THADA: variants seen among roughly 807,000 people sequenced by gnomAD.
THADA encodes the protein THADA armadillo repeat containing, also known as tRNA (32-2'-O)-methyltransferase regulator THADA.
A neutral mutation model predicts 219.8 loss-of-function variants in THADA; 213 were observed. The observed-to-expected ratio is 0.97, with a 90% CI of 0.87 to 1.09. The LOEUF is 1.09. THADA is among the 50% of genes least tolerant of loss of function. The pLI is 0.00. For synonymous variants in THADA, 1,018 were observed against 828.9 expected, an observed-to-expected ratio of 1.23 and a Z score of -3.92; for missense variants, 2,956 against 2,311.3, an observed-to-expected ratio of 1.28 and a Z score of -5.72.
chr2:43,562,245 G>C (rs1233104695), intron 15 of THADA: 1 of 151,468 alleles, frequency 6.6e-6, no homozygotes, highest in Non-Finnish European at 1.5e-5. Context: ...CTTCTCCTCT[G>C]TTTTCTTCTC....
intron 26 of THADA, among the ~76,000 whole-genome samples, chr2:43,451,432 A>T (rs1251063524): frequency 6.6e-6 from 1 of 152,138 alleles, no homozygotes; most frequent in Non-Finnish European, 1.5e-5. Flanking sequence ...TTACTTTTTC[A>T]TAACATTAAC....
intron 36 of THADA, among the ~76,000 whole-genome samples, chr2:43,268,572 T>C (rs1558492804): frequency 6.6e-6 from 1 of 152,076 alleles, no homozygotes; most frequent in Non-Finnish European, 1.5e-5. Flanking sequence ...TTCTGGGAGA[T>C]TTGAGAACAG....
At chr2:43,501,592 AAAAG>A (rs1490299684) in intron 24 of THADA, among the ~76,000 whole-genome samples, 1 of 152,174 alleles carries the variant, frequency 6.6e-6, no homozygotes, top group Non-Finnish European at 1.5e-5. Flanking sequence ...GGAAAACAAA[AAAAG>A]AGAGATTCAC....
At chr2:43,339,132 T>C (rs1666801914) in intron 30 of THADA, among the ~76,000 whole-genome samples, 1 of 152,222 alleles carries the variant, frequency 6.6e-6, no homozygotes, top group African/African-American at 2.4e-5. Flanking sequence ...GTGGTAAGAA[T>C]AGACTTTTAC....
chr2:43,404,947 A>G (rs918204675), intron 28 of THADA, among the ~76,000 whole-genome samples: 7 of 152,234 alleles, frequency 4.6e-5, no homozygotes, highest in Non-Finnish European at 8.8e-5. Context: ...GAATAATTTG[A>G]AAATAAAACC....
chr2:43,483,116 G>A (rs1458076205), intron 26 of THADA, among the ~76,000 whole-genome samples: 8 of 152,106 alleles, frequency 5.3e-5, no homozygotes, highest in Non-Finnish European at 8.8e-5. Context: ...TCCAAATTGC[G>A]AGCAGGACAA....
chr2:43,334,984 C>A (rs1411992415), intron 30 of THADA, among the ~76,000 whole-genome samples: 9 of 152,114 alleles, frequency 5.9e-5, no homozygotes, highest in Non-Finnish European at 8.8e-5. Context: ...CCAAGCTCAG[C>A]CACAAGCCCT....
chr2:43,536,622 G>T (rs568891280), intron 21 of THADA, among the ~76,000 whole-genome samples: 12 of 152,050 alleles, frequency 7.9e-5, no homozygotes, highest in African/African-American at 2.9e-4. Context: ...TTCCACAGGG[G>T]AAGAAGCTAC....
chr2:43,471,722 T>G (rs1180073239), intron 26 of THADA, among the ~76,000 whole-genome samples: 1 of 152,216 alleles, frequency 6.6e-6, no homozygotes, highest in African/African-American at 2.4e-5. Flanking sequence ...AGAATAATAC[T>G]ATAACATTTG....
At chr2:43,555,350 G>A (rs1697220757) in intron 17 of THADA, among the ~76,000 whole-genome samples, 1 of 151,220 alleles carries the variant, frequency 6.6e-6, no homozygotes. Flanking sequence ...CCTAGCTTGT[G>A]AATAAAACTT....
chr2:43,348,227 G>T (rs1042709388), intron 29 of THADA, among the ~76,000 whole-genome samples: 1 of 152,186 alleles, frequency 6.6e-6, no homozygotes, highest in Non-Finnish European at 1.5e-5. Context: ...TTCCTGTAGG[G>T]CAAACAGTCA....
At chr2:43,470,889 A>T (rs80147536) in intron 26 of THADA, among the ~76,000 whole-genome samples, 10,604 of 152,252 alleles carry the variant, frequency 0.07, 434 homozygotes, top group Non-Finnish European at 0.098. Flanking sequence ...AGGAAGAGAT[A>T]ATCTCAGTTG....
intron 22 of THADA, among the ~76,000 whole-genome samples, chr2:43,526,762 T>C (rs1017297399): frequency 1.3e-5 from 2 of 152,152 alleles, no homozygotes; most frequent in African/African-American, 4.8e-5. Context: ...TCTACTTATT[T>C]CTCAAACTAA....
intron 26 of THADA, among the ~76,000 whole-genome samples, chr2:43,473,868 C>T (rs577140943): frequency 6.6e-6 from 1 of 152,300 alleles, no homozygotes; most frequent in East Asian, 1.9e-4. Flanking sequence ...CTCGGCCTCC[C>T]AGATTACAGG....
intron 25 of THADA, among the ~76,000 whole-genome samples, chr2:43,495,246 A>C (rs368093202): frequency 2.6e-5 from 4 of 152,210 alleles, no homozygotes; most frequent in East Asian, 3.8e-4. Context: ...ACCATTGATA[A>C]TATTAAGTAA....
rs769176976 is a variant in THADA at position 43,485,290 on chromosome 2, C to G, written c.3780G>C (p.Leu1260Phe). ...TTTTAACTCCAAAAATTCTTGTGATCAAGGCACTAAAGAGAAGTGTGGATG... is the reference window on the plus strand; with the variant it reads ...TTTTAACTCCAAAAATTCTTGTGATGAAGGCACTAAAGAGAAGTGTGGATG... ...RNSSTLLFSALITRIFGVKRA... is the reference protein window; with the variant it reads ...RNSSTLLFSAFITRIFGVKRA... The change falls in exon 26 of 38, where the codon TTG becomes TTC. Residue 1260 changes from leucine to phenylalanine, a missense_variant. Leu to Phe is a conservative substitution (Grantham distance 22). Coordinates refer to ENST00000405975, the MANE Select transcript of THADA (RefSeq NM_022065.5). 6.2e-7 allele frequency: 1 copy of G among 1,613,048 alleles called. No individual in the cohort carries two copies. Among genetic ancestry groups the G allele is most frequent in the South Asian group, 1.1e-5 (1 of 91,044 alleles).
chr2:43,446,822 T>A (rs1403199424), intron 26 of THADA, among the ~76,000 whole-genome samples: 2 of 152,120 alleles, frequency 1.3e-5, no homozygotes, highest in East Asian at 3.9e-4. Flanking sequence ...CTATATTGAT[T>A]CTCTCATAGT....
In THADA at chr2:43,231,192, C is replaced by A. The variant is rs1667371026; in HGVS notation, c.5618G>T (p.Arg1873Met). ...PSPEMLCHLQ[R>M]MVSEQCHLLS... ...GAGGTGGCACTGCTCTGACACCATC[C>A]TTTGAAGGTGACAGAGCATCTCAGG... Residue 1873 changes from arginine to methionine, a missense_variant, in exon 38 of 38, where the codon AGG (arginine) becomes ATG (methionine). Coordinates refer to ENST00000405975, the MANE Select transcript of THADA (RefSeq NM_022065.5). The A allele has an allele frequency of 6.2e-7, 1 of 1,613,732 alleles. No homozygotes were observed. The highest frequency in any genetic ancestry group is 1.1e-5 in the South Asian group (1 of 91,060).
At chr2:43,303,851 T>G (rs924450483) in intron 31 of THADA, among the ~76,000 whole-genome samples, 1 of 152,018 alleles carries the variant, frequency 6.6e-6, no homozygotes, top group African/African-American at 2.4e-5. Context: ...TTCTCAAACT[T>G]TAGCTGCTCA....
Sources: allele counts gnomAD v4.1 joint callset (sites outside exome capture counted in the v4.1 genomes callset), GRCh38; gene constraint gnomAD v4.1.1; transcripts MANE v1.5; gene names NCBI Gene and HGNC (gene_info 2026-07-23, HGNC 2026-07-21).